The following GRM7 variants were observed in gnomAD, a reference collection of about 807,000 sequenced individuals.
GRM7 encodes metabotropic glutamate receptor 7.
GRM7 carries 35 observed loss-of-function variants against 84.5 expected under a neutral mutation model. The ratio of observed to expected loss-of-function variants is 0.41; its 90% confidence interval spans 0.32 to 0.55. GRM7 has a LOEUF of 0.55. Ranked by LOEUF, GRM7 falls within the 20% of genes least tolerant of loss-of-function variation. GRM7 has a pLI of 0.19. For missense variants in GRM7, 1,003 were observed against 1,194.6 expected (o/e 0.84, Z 2.36); for synonymous variants, 487 against 455.1 (o/e 1.07, Z -0.89).
intron 9 of GRM7, among the ~76,000 whole-genome samples, chr3:7,690,647 T>C (rs2125150448): frequency 6.6e-6 from 1 of 152,334 alleles, no homozygotes; most frequent in South Asian, 2.1e-4. Context: ...AACGAAGTTT[T>C]ATGCCTATTT....
chr3:6,912,972 A>G (rs960867726), intron 1 of GRM7, among the ~76,000 whole-genome samples: 4 of 152,186 alleles, frequency 2.6e-5, no homozygotes, highest in Admixed American at 2.6e-4. Context: ...TTATTCCAAC[A>G]AAATTGGATT....
chr3:7,436,521 C>G (rs1575333339), intron 5 of GRM7, among the ~76,000 whole-genome samples: 1 of 152,100 alleles, frequency 6.6e-6, no homozygotes, highest in East Asian at 1.9e-4. Flanking sequence ...TGATTTGCAG[C>G]CTTCATTTTT....
intron 1 of GRM7, among the ~76,000 whole-genome samples, chr3:6,952,736 C>T (rs1053153433): frequency 1.3e-5 from 2 of 151,992 alleles, no homozygotes; most frequent in East Asian, 3.9e-4. Context: ...TGTTTTTGAG[C>T]GTTTCAGGTA....
chr3:7,141,925 A>G (rs1264097368), intron 1 of GRM7, among the ~76,000 whole-genome samples: 1 of 152,122 alleles, frequency 6.6e-6, no homozygotes, highest in Admixed American at 6.6e-5. Flanking sequence ...AGTCCAAAGT[A>G]ATTTCCATGT....
chr3:7,026,014 A>G (rs570007709), intron 1 of GRM7, among the ~76,000 whole-genome samples: 15 of 152,182 alleles, frequency 9.9e-5, no homozygotes, highest in Middle Eastern at 3.4e-3. Flanking sequence ...ATCCCCCAAC[A>G]CCCCTGACAA....
chr3:7,136,897 T>C (rs1435426448), intron 1 of GRM7, among the ~76,000 whole-genome samples: 1 of 152,100 alleles, frequency 6.6e-6, no homozygotes, highest in Non-Finnish European at 1.5e-5. Flanking sequence ...AATTGTTTAA[T>C]TAGAACTGTG....
intron 2 of GRM7, among the ~76,000 whole-genome samples, chr3:7,160,509 G>C (rs1694591111): frequency 6.6e-6 from 1 of 152,092 alleles, no homozygotes; most frequent in Non-Finnish European, 1.5e-5. Context: ...GGTCCTGCTG[G>C]ATAGATTTAG....
intron 5 of GRM7, among the ~76,000 whole-genome samples, chr3:7,437,664 C>T (rs748264114): frequency 3.3e-5 from 5 of 151,976 alleles, no homozygotes; most frequent in South Asian, 2.1e-4. Context: ...AGCTGATTCA[C>T]GTCTGCCTGG....
chr3:7,371,119 T>G (rs1358697226), intron 4 of GRM7, among the ~76,000 whole-genome samples: 1 of 152,172 alleles, frequency 6.6e-6, no homozygotes, highest in Non-Finnish European at 1.5e-5. Flanking sequence ...AGGCTATATA[T>G]TCTAAGACAG....
intron 4 of GRM7, among the ~76,000 whole-genome samples, chr3:7,401,454 G>T (rs1695446599): frequency 6.6e-6 from 1 of 152,016 alleles, no homozygotes; most frequent in African/African-American, 2.4e-5. Flanking sequence ...TCATCCCATT[G>T]CTCTCTCTAA....
chr3:7,659,940 A>G (rs1699364238), intron 8 of GRM7, among the ~76,000 whole-genome samples: 1 of 152,164 alleles, frequency 6.6e-6, no homozygotes, highest in African/African-American at 2.4e-5. Context: ...CTAGTGGTAC[A>G]TTATTTCATG....
intron 4 of GRM7, among the ~76,000 whole-genome samples, chr3:7,403,636 T>TATATATATAC: frequency 6.8e-6 from 1 of 146,420 alleles, no homozygotes; most frequent in Non-Finnish European, 1.5e-5. Flanking sequence ...TATATATATA[T>TATATATATAC]ATATATATAT....
At chr3:7,539,321 T>C (rs1031425822) in intron 7 of GRM7, among the ~76,000 whole-genome samples, 1 of 152,164 alleles carries the variant, frequency 6.6e-6, no homozygotes, top group Non-Finnish European at 1.5e-5. Flanking sequence ...AGATGTGCTT[T>C]TCACCTGACG....
chr3:7,190,045 T>G (rs1345196987), intron 2 of GRM7, among the ~76,000 whole-genome samples: 1 of 152,116 alleles, frequency 6.6e-6, no homozygotes, highest in East Asian at 1.9e-4. Flanking sequence ...AAGCAAATTG[T>G]TCTTTTCTGC....
intron 1 of GRM7, among the ~76,000 whole-genome samples, chr3:7,089,334 A>G (rs968357931): frequency 6.6e-6 from 1 of 152,220 alleles, no homozygotes; most frequent in Non-Finnish European, 1.5e-5. Flanking sequence ...TGCATCAGCT[A>G]TAGTTCCATA....
At chr3:7,528,184 A>T (rs114907607) in intron 7 of GRM7, among the ~76,000 whole-genome samples, 1,745 of 152,112 alleles carry the variant, frequency 0.011, 21 homozygotes, top group Middle Eastern at 0.048. Context: ...TATTTTTATT[A>T]CTAATTCAAT....
At chr3:7,334,402 G>A (rs924758256) in intron 4 of GRM7, among the ~76,000 whole-genome samples, 1 of 151,870 alleles carries the variant, frequency 6.6e-6, no homozygotes, top group African/African-American at 2.4e-5. Flanking sequence ...TACTAAAAAG[G>A]GTTCTAAATC....
chr3:6,992,134 C>G (rs960802554), intron 1 of GRM7, among the ~76,000 whole-genome samples: 12 of 152,184 alleles, frequency 7.9e-5, no homozygotes, highest in African/African-American at 2.9e-4. Flanking sequence ...GTGCTGTAAT[C>G]TCAAAAGTAG....
At chr3:6,879,636 G>A (rs1695435178) in intron 1 of GRM7, among the ~76,000 whole-genome samples, 1 of 152,126 alleles carries the variant, frequency 6.6e-6, no homozygotes, top group Non-Finnish European at 1.5e-5. Flanking sequence ...TTCTAAAAGA[G>A]CCAGACCTCA....
Sources: gnomAD v4.1 joint callset for allele counts (sites outside exome capture counted in the v4.1 genomes callset) on GRCh38, gnomAD v4.1.1 for gene constraint, MANE v1.5 for transcripts, NCBI Gene and HGNC (gene_info 2026-07-23, HGNC 2026-07-21) for gene names.